The following ARHGAP15 variants were observed in gnomAD, a reference collection of about 807,000 sequenced individuals.
ARHGAP15 encodes the protein rho GTPase-activating protein 15.
ARHGAP15 carries 51 observed loss-of-function variants against 63.7 expected under a neutral mutation model. The ratio of observed to expected loss-of-function variants is 0.80; its 90% CI spans 0.64 to 1.01. The LOEUF is 1.01. Among genes scored for constraint, ARHGAP15 ranks in the 50% least tolerant of loss-of-function variants. ARHGAP15 has a pLI of 0.00. For synonymous variants in ARHGAP15, 191 were observed against 193.8 expected (o/e 0.99, Z 0.12); for missense variants, 560 against 564.6 (o/e 0.99, Z 0.08).
chr2:143,149,086 G>A (rs1056315495), intron 1 of ARHGAP15, among the ~76,000 whole-genome samples: 4 of 151,868 alleles, frequency 2.6e-5, no homozygotes. Context: ...ATCTTTCCAG[G>A]GGATAGAAAT....
At chr2:143,381,220 G>A (rs1157199304) in intron 6 of ARHGAP15, among the ~76,000 whole-genome samples, 1 of 152,088 alleles carries the variant, frequency 6.6e-6, no homozygotes, top group Non-Finnish European at 1.5e-5. Context: ...GTTTGGCTTT[G>A]CTGTGATTTT....
intron 6 of ARHGAP15, among the ~76,000 whole-genome samples, chr2:143,308,132 G>A (rs1053398381): frequency 1.8e-4 from 28 of 152,112 alleles, no homozygotes; most frequent in African/African-American, 6.8e-4. Flanking sequence ...TAGCTGTGAG[G>A]TAGAGGAGAA....
At chr2:143,702,167 G>A (rs1684119378) in intron 12 of ARHGAP15, among the ~76,000 whole-genome samples, 1 of 152,156 alleles carries the variant, frequency 6.6e-6, no homozygotes, top group African/African-American at 2.4e-5. Flanking sequence ...AGAGCCCTGT[G>A]CTAGAAGTTA....
chr2:143,371,808 T>C (rs72997699), intron 6 of ARHGAP15, among the ~76,000 whole-genome samples: 6 of 152,090 alleles, frequency 3.9e-5, no homozygotes, highest in East Asian at 3.9e-4. Flanking sequence ...TAAGACTTCA[T>C]TGAGTTTTCA....
At chr2:143,266,691 G>T (rs1392713521) in intron 6 of ARHGAP15, among the ~76,000 whole-genome samples, 1 of 151,504 alleles carries the variant, frequency 6.6e-6, no homozygotes, top group Non-Finnish European at 1.5e-5. Context: ...TTTTGCATAG[G>T]GTTTCCATTG....
intron 6 of ARHGAP15, among the ~76,000 whole-genome samples, chr2:143,388,448 T>G (rs576230888): frequency 9.2e-5 from 14 of 152,302 alleles, no homozygotes; most frequent in African/African-American, 3.1e-4. Context: ...AAGTAGAAAT[T>G]ATGTGATACA....
At chr2:143,224,537 A>G (rs1054341719) in intron 4 of ARHGAP15, among the ~76,000 whole-genome samples, 2 of 152,176 alleles carry the variant, frequency 1.3e-5, no homozygotes, top group African/African-American at 4.8e-5. Context: ...AACTGTGTTT[A>G]TCCTAGAAAA....
chr2:143,259,429 C>G (rs906971922), intron 6 of ARHGAP15, among the ~76,000 whole-genome samples: 1 of 152,040 alleles, frequency 6.6e-6, no homozygotes, highest in African/African-American at 2.4e-5. Context: ...ATGTAACTAG[C>G]AATATGGAAA....
At chr2:143,615,817 C>T (rs186348776) in intron 11 of ARHGAP15, among the ~76,000 whole-genome samples, 16 of 152,128 alleles carry the variant, frequency 1.1e-4, no homozygotes, top group South Asian at 2.1e-4. Flanking sequence ...CTTTGGAGTA[C>T]GTAATGTATG....
chr2:143,625,872 T>G (rs1206503881), intron 12 of ARHGAP15, among the ~76,000 whole-genome samples: 3 of 152,140 alleles, frequency 2.0e-5, no homozygotes. Flanking sequence ...GAAATATACT[T>G]CGGTATGTGC....
intron 12 of ARHGAP15, among the ~76,000 whole-genome samples, chr2:143,684,643 A>C (rs1683246404): frequency 6.6e-6 from 1 of 152,210 alleles, no homozygotes; most frequent in Non-Finnish European, 1.5e-5. Flanking sequence ...GCAGCTTAAA[A>C]AATATGCAGC....
intron 2 of ARHGAP15, among the ~76,000 whole-genome samples, chr2:143,160,712 C>A (rs974231151): frequency 3.9e-5 from 6 of 151,950 alleles, no homozygotes; most frequent in Non-Finnish European, 5.9e-5. Flanking sequence ...GACTTTTACA[C>A]AATATGCCCC....
rs1383642725 is a variant in ARHGAP15 at position 143,614,102 on chromosome 2, T to C, written c.1004-10031T>C. 2.0e-5 allele frequency among the ~76,000 whole-genome samples: 3 copies of C among 152,256 alleles called. No homozygotes were observed. The East Asian group carries it at 5.8e-4, about 29-fold the overall frequency. On this transcript the variant is annotated intron_variant, in intron 11 of 13. Transcript: ENST00000295095. Reference sequence around the variant, plus strand: ...ACTTCTAGTTGAATTTTTCTTCATCTCTTCTCTTCCTCTCTCCCAGCTCCT... The same window carrying C: ...ACTTCTAGTTGAATTTTTCTTCATCCCTTCTCTTCCTCTCTCCCAGCTCCT...
intron 9 of ARHGAP15, among the ~76,000 whole-genome samples, chr2:143,499,188 G>T (rs893305978): frequency 1.3e-5 from 2 of 152,096 alleles, no homozygotes; most frequent in South Asian, 2.1e-4. Flanking sequence ...ATGCTAGTTG[G>T]TTTTTCATAC....
chr2:143,142,987 G>T (rs1175163719), intron 1 of ARHGAP15, among the ~76,000 whole-genome samples: 1 of 152,054 alleles, frequency 6.6e-6, no homozygotes, highest in Non-Finnish European at 1.5e-5. Context: ...TTACTTTAAT[G>T]TGTCCAAGCA....
chr2:143,313,967 T>TC (rs397752185), intron 6 of ARHGAP15, among the ~76,000 whole-genome samples: 1 of 150,952 alleles, frequency 6.6e-6, no homozygotes, highest in Non-Finnish European at 1.5e-5. Context: ...TTTTTTTTTT[T>TC]CTTGTTTTGT....
chr2:143,164,293 T>C (rs1158968187), intron 2 of ARHGAP15, among the ~76,000 whole-genome samples: 1 of 152,096 alleles, frequency 6.6e-6, no homozygotes, highest in Non-Finnish European at 1.5e-5. Context: ...TAAAAACTGA[T>C]AAGCAGAACC....
At chr2:143,491,133 C>T (rs527645446) in intron 9 of ARHGAP15, among the ~76,000 whole-genome samples, 1 of 152,080 alleles carries the variant, frequency 6.6e-6, no homozygotes, top group African/African-American at 2.4e-5. Context: ...ATGGTGAGCC[C>T]TTTTTAAATA....
rs367832985 is a variant in ARHGAP15 at position 143,511,407 on chromosome 2, T to A, written c.827-7859T>A. Among the ~76,000 whole-genome samples the A allele has an allele frequency of 9.2e-5, 14 of 152,326 alleles. 1 individual carries two copies. Among genetic ancestry groups the A allele is most frequent in the African/African-American group, 3.4e-4 (14 of 41,570 alleles). On this transcript the variant is annotated intron_variant, in intron 9 of 13. Transcript: ENST00000295095. ...CACACTGGCCAAGGTCACAGGAGTT[T>A]GCAGAAGATTCCAAAAATATTGGCA...
Sources: gnomAD v4.1 joint callset for allele counts (sites outside exome capture counted in the v4.1 genomes callset) on GRCh38, gnomAD v4.1.1 for gene constraint, MANE v1.5 for transcripts, NCBI Gene and HGNC (gene_info 2026-07-23, HGNC 2026-07-21) for gene names.